GLYAT: variants seen among roughly 807,000 people sequenced by gnomAD.
GLYAT encodes the protein glycine N-acyltransferase.
GLYAT carries 25 observed loss-of-function variants against 22.8 expected under a neutral mutation model. That is an observed-to-expected ratio of 1.09 (90% CI 0.80 to 1.53). GLYAT has a LOEUF of 1.53. Among genes scored for constraint, GLYAT ranks in the 40% most tolerant of loss-of-function variants. The probability of loss-of-function intolerance (pLI) is 0.00; values close to 1 mark genes in which losing one functional copy is unlikely to be tolerated. For synonymous variants in GLYAT, 140 were observed against 122.7 expected, an observed-to-expected ratio of 1.14 and a Z score of -0.93; for missense variants, 411 against 353.9, an observed-to-expected ratio of 1.16 and a Z score of -1.29.
intron 1 of GLYAT, among the ~76,000 whole-genome samples, chr11:58,728,053 CTTTTTTTTTT>C (rs1173955703): frequency 4.4e-5 from 3 of 68,652 alleles, no homozygotes; most frequent in South Asian, 1.0e-3. Flanking sequence ...TGCTCTAAAG[CTTTTTTTTTT>C]TTTTTTTTTT....
intron 4 of GLYAT, 109 bp downstream of exon 4, chr11:58,712,651 T>C (rs967537072): frequency 2.1e-5 from 20 of 944,396 alleles, no homozygotes; most frequent in African/African-American, 4.9e-5. Context: ...AGTAACAAAA[T>C]TGACAGCAGG....
intron 1 of GLYAT, among the ~76,000 whole-genome samples, chr11:58,727,224 A>AT (rs1856820359): frequency 6.6e-6 from 1 of 152,152 alleles, no homozygotes; most frequent in South Asian, 2.1e-4. Context: ...AGCTTGTAGG[A>AT]TAAAAACACC....
At position 58,710,071 on chromosome 11, in the gene GLYAT, A is replaced by T. The variant is rs371787235; in HGVS notation, c.586T>A (p.Phe196Ile). ...AAGGTCTGAATGCAGCGCTCAATGA[A>T]TCTCTGGCTCCTCTCATTACCACCA... Reference protein sequence around the residue: ...HFGGNERSQRFIERCIQTFPT... With the variant: ...HFGGNERSQRIIERCIQTFPT... Residue 196 changes from phenylalanine to isoleucine, a missense_variant, in exon 6 of 6, where the codon TTC becomes ATC. By Grantham distance (21) the Phe-to-Ile change is conservative. Transcript: ENST00000344743. 4 of 1,613,942 alleles carry T rather than the reference A, an allele frequency of 2.5e-6. No homozygotes were observed. The highest frequency in any genetic ancestry group is 3.4e-6 in the Non-Finnish European group (4 of 1,179,946).
At chr11:58,712,919 A>T (rs941874565) in intron 3 of GLYAT, 33 bp from the exon 4 acceptor site, 4 of 1,422,036 alleles carry the variant, frequency 2.8e-6, no homozygotes, top group East Asian at 2.3e-5. Context: ...AATAAAACAC[A>T]TCCTTATATT....
At position 58,713,491 on chromosome 11, in the gene GLYAT, G is replaced by T. The variant is rs76604662; in HGVS notation, c.190-605C>A. On this transcript the variant is annotated intron_variant, in intron 3 of 5. Transcript: ENST00000344743. ...AAATTTTACTACAGTTCAAAGACTT[G>T]CAGAATACACAAACTATGACCATGG... Among the ~76,000 whole-genome samples the T allele has an allele frequency of 4.7e-3, 717 of 152,196 alleles. 6 individuals carry two copies. The highest frequency in any genetic ancestry group is 0.02 in the Middle Eastern group (6 of 294).
chr11:58,712,414 T>G (rs773118774), intron 4 of GLYAT, among the ~76,000 whole-genome samples: 26 of 152,160 alleles, frequency 1.7e-4, no homozygotes, highest in Non-Finnish European at 3.7e-4. Flanking sequence ...CTGGGAAGTA[T>G]TCTATGGCCA....
Position 58,724,466 on chromosome 11 carries a change from G to A in GLYAT, c.31C>T (p.Leu11=), listed in dbSNP as rs762431372. The change falls in exon 2 of 6, where the codon CTG becomes TTG. Residue 11 remains leucine, a synonymous_variant. Coordinates refer to ENST00000344743, the MANE Select transcript of GLYAT (RefSeq NM_201648.3). The stretch of plus-strand genomic sequence containing the variant: ...CTCAAGGATTTCTCCAGCATCTGCA[G>A]CATCTGGGCACCTTGCAATGGTAAC... The part of the protein sequence containing the change: MMLPLQGAQM[L]QMLEKSLRKS... 6.2e-7 allele frequency: 1 copy of A among 1,608,116 alleles called. No homozygotes were observed. The highest frequency in any genetic ancestry group is 8.5e-7 in the Non-Finnish European group (1 of 1,175,626).
chr11:58,709,869 G>A lies in GLYAT; in HGVS notation c.788C>T (p.Ser263Phe). 6.2e-7 allele frequency: 1 copy of A among 1,614,056 alleles called. No homozygotes were observed. Among genetic ancestry groups the A allele is most frequent in the Non-Finnish European group, 8.5e-7 (1 of 1,179,910 alleles). Reference protein sequence around the residue: ...KLGKLGFPVYSHVDYSNEAMQ... With the variant: ...KLGKLGFPVYFHVDYSNEAMQ... ...AGCTTCATTGCTGTAGTCTACATGAGAATAGACAGGAAACCCAAGTTTGCC... is the reference window on the plus strand; with the variant it reads ...AGCTTCATTGCTGTAGTCTACATGAAAATAGACAGGAAACCCAAGTTTGCC... Residue 263 changes from serine to phenylalanine, a missense_variant, in exon 6 of 6, where the codon TCT (serine) becomes TTT (phenylalanine). Ser to Phe is a radical substitution (Grantham distance 155). Coordinates refer to ENST00000344743, the MANE Select transcript of GLYAT (RefSeq NM_201648.3).
intron 1 of GLYAT, among the ~76,000 whole-genome samples, chr11:58,724,842 CTTGGGAAAGTTAT>C (rs1161024065): frequency 6.6e-6 from 1 of 151,972 alleles, no homozygotes; most frequent in Admixed American, 6.6e-5. Flanking sequence ...GCTGTGTAAC[CTTGGGAAAGTTAT>C]TTAGTCTCTC....
intron 3 of GLYAT, among the ~76,000 whole-genome samples, chr11:58,713,614 G>A (rs1856643415): frequency 6.6e-6 from 1 of 152,038 alleles, no homozygotes; most frequent in East Asian, 1.9e-4. Flanking sequence ...CAGTTCCAGA[G>A]AAACAAACAA....
intron 1 of GLYAT, among the ~76,000 whole-genome samples, chr11:58,725,697 G>T (rs902933383): frequency 3.3e-5 from 5 of 152,142 alleles, no homozygotes; most frequent in African/African-American, 1.2e-4. Context: ...GGAGGGAAAA[G>T]AAGTAAAGTG....
At position 58,723,791 on chromosome 11, in the gene GLYAT, TTA is replaced by T. The variant is rs1041794105; in HGVS notation, c.81+623_81+624del. ...GATGTAGGCATTTATATATATCCAT[TTA>T]TATATATATATTTATATTTGTTTTA... On this transcript the variant is annotated intron_variant, in intron 2 of 5. Transcript: ENST00000344743. Among the ~76,000 whole-genome samples the T allele has an allele frequency of 1.4e-4, 21 of 151,398 alleles. No individual in the cohort carries two copies. The South Asian group carries it at 3.9e-3, about 28-fold the overall frequency.
At chr11:58,712,738 A>G (rs1257482383) in intron 4 of GLYAT, 22 bp downstream of exon 4, 1 of 1,609,838 alleles carries the variant, frequency 6.2e-7, no homozygotes, top group African/African-American at 1.3e-5. Context: ...GAGTCAGCAC[A>G]CATCCCATTC....
At chr11:58,719,193 T>A (rs1336162636) in intron 2 of GLYAT, among the ~76,000 whole-genome samples, 3 of 152,080 alleles carry the variant, frequency 2.0e-5, no homozygotes, top group African/African-American at 7.2e-5. Context: ...CATTTTAAAG[T>A]CATTTATTTA....
chr11:58,712,642 G>A, intron 4 of GLYAT, 118 bp downstream of exon 4: 3 of 878,962 alleles, frequency 3.4e-6, no homozygotes, highest in Non-Finnish European at 5.5e-6. Context: ...TTACCACACA[G>A]TAACAAAATT....
In GLYAT at chr11:58,709,555, T is replaced by C; in HGVS notation, c.*211A>G. The stretch of plus-strand genomic sequence containing the variant: ...GGGGAGGTAAATTGCTTATGTCAAA[T>C]GTAAGAGGACCTGGGCCTGCTTCCC... On this transcript the variant is annotated 3_prime_UTR_variant, in exon 6 of 6. Transcript: ENST00000344743. The C allele has an allele frequency of 2.0e-6, 1 of 501,166 alleles. No homozygotes were observed. Among genetic ancestry groups the C allele is most frequent in the Non-Finnish European group, 3.5e-6 (1 of 285,930 alleles). The allele number at this position is 501,166 out of a possible 1,614,324, so 31.0% of individuals were successfully genotyped here. A position where few individuals can be genotyped will look rare whatever the true frequency, so the allele number is the denominator to read the frequency against.
At chr11:58,728,383 C>T (rs1199997297) in intron 1 of GLYAT, among the ~76,000 whole-genome samples, 3 of 151,958 alleles carry the variant, frequency 2.0e-5, no homozygotes, top group Non-Finnish European at 4.4e-5. Context: ...AAAACTTTCA[C>T]TGTGGCTCTA....
intron 2 of GLYAT, among the ~76,000 whole-genome samples, chr11:58,720,675 A>G (rs1856738353): frequency 6.6e-6 from 1 of 152,074 alleles, no homozygotes; most frequent in Non-Finnish European, 1.5e-5. Flanking sequence ...TTACTAAATT[A>G]AAGATGCAGC....
At chr11:58,726,220 C>T (rs950612714) in intron 1 of GLYAT, among the ~76,000 whole-genome samples, 2 of 152,078 alleles carry the variant, frequency 1.3e-5, no homozygotes, top group South Asian at 2.1e-4. Context: ...CCTTCTCCTG[C>T]CCTACTCATG....
Sources: allele counts gnomAD v4.1 joint callset (sites outside exome capture counted in the v4.1 genomes callset), GRCh38; gene constraint gnomAD v4.1.1; transcripts MANE v1.5; gene names NCBI Gene and HGNC (gene_info 2026-07-23, HGNC 2026-07-21).